The following TRIOBP variants were observed in gnomAD, a reference collection of about 807,000 sequenced individuals.
TRIOBP encodes TRIO and F-actin-binding protein.
TRIOBP carries 169 observed loss-of-function variants against 238.8 expected under a neutral mutation model. That is an observed-to-expected ratio of 0.71 (90% CI 0.62 to 0.80). TRIOBP has a LOEUF of 0.80. Ranked by LOEUF, TRIOBP falls within the 30% of genes least tolerant of loss-of-function variation. TRIOBP has a pLI of 0.00. For missense variants in TRIOBP, 2,838 were observed against 3,122.6 expected (o/e 0.91, Z 2.17); for synonymous variants, 1,150 against 1,274.4 (o/e 0.90, Z 2.08).
At chr22:37,717,439 C>T (rs1040438616) in intron 6 of TRIOBP, among the ~76,000 whole-genome samples, 9 of 152,214 alleles carry the variant, frequency 5.9e-5, no homozygotes, top group African/African-American at 1.9e-4. Flanking sequence ...CCACATCCTG[C>T]TGATTGGTCC....
chr22:37,775,249 G>T lies in TRIOBP; in HGVS notation c.*1469G>T, dbSNP rs556444376. On this transcript the variant is annotated 3_prime_UTR_variant, in exon 24 of 24. Transcript: ENST00000644935. ...TGAAAGATGACTCTTCCAGATGGAAGAATCAGGAAGGGCCTTCCCACGTGG... is the reference window on the plus strand; with the variant it reads ...TGAAAGATGACTCTTCCAGATGGAATAATCAGGAAGGGCCTTCCCACGTGG... 6.6e-6 allele frequency: 1 copy of T among 152,342 alleles called. No individual in the cohort carries two copies. The highest frequency in any genetic ancestry group is 1.9e-4 in the East Asian group (1 of 5,164). The allele number at this position is 152,342 out of a possible 1,614,324, so 9.4% of individuals were successfully genotyped here.
At chr22:37,758,736 C>G (rs1267917238) in intron 16 of TRIOBP, among the ~76,000 whole-genome samples, 1 of 152,018 alleles carries the variant, frequency 6.6e-6, no homozygotes, top group Non-Finnish European at 1.5e-5. Flanking sequence ...TCATCTTCTG[C>G]CCGTGGCCTC....
In TRIOBP at chr22:37,725,820, C is replaced by G. The variant is rs1415426077; in HGVS notation, c.3264C>G (p.Leu1088=). 4 of 1,610,774 alleles carry G rather than the reference C, an allele frequency of 2.5e-6. No individual in the cohort carries two copies. The African/African-American group carries it at 5.4e-5, about 22-fold the overall frequency. Residue 1088 remains leucine, a synonymous_variant, in exon 7 of 24, where the codon CTC becomes CTG. Transcript: ENST00000644935. The stretch of plus-strand genomic sequence containing the variant: ...CCCAATTTGACCCCTTCCCCTTCCT[C>G]CCAGACACATCAGATGCCGAGCATC... ...RHTQFDPFPF[L]PDTSDAEHQC...
chr22:37,732,179 C>G (rs1461543282), intron 7 of TRIOBP, among the ~76,000 whole-genome samples: 1 of 152,158 alleles, frequency 6.6e-6, no homozygotes, highest in Admixed American at 6.5e-5. Context: ...GAGATATGCC[C>G]AGGTTCTGTT....
chr22:37,756,714 A>T (rs146159933), intron 15 of TRIOBP, among the ~76,000 whole-genome samples: 1 of 152,332 alleles, frequency 6.6e-6, no homozygotes, highest in African/African-American at 2.4e-5. Flanking sequence ...TCGGCAGCCT[A>T]TAGTCACATG....
rs1342137731 is a variant in TRIOBP, at chr22:37,697,689, C to T, written c.-68C>T. ...GCCACAAAAGCCTGATCCCCTGGAACACAGCAGGTGAGGATGGATGTGGGC... is the reference window on the plus strand; with the variant it reads ...GCCACAAAAGCCTGATCCCCTGGAATACAGCAGGTGAGGATGGATGTGGGC... On this transcript the variant is annotated 5_prime_UTR_variant, in exon 2 of 24. Transcript: ENST00000644935. 6.6e-6 allele frequency: 1 copy of T among 152,244 alleles called. No homozygotes were observed. The highest frequency in any genetic ancestry group is 6.5e-5 in the Admixed American group (1 of 15,278). The allele number at this position is 152,244 out of a possible 1,614,324, so 9.4% of individuals were successfully genotyped here. A position where few individuals can be genotyped will look rare whatever the true frequency, so the allele number is the denominator to read the frequency against.
chr22:37,771,441 C>T (rs1478714126), intron 21 of TRIOBP, among the ~76,000 whole-genome samples: 1 of 152,072 alleles, frequency 6.6e-6, no homozygotes, highest in Non-Finnish European at 1.5e-5. Context: ...CTCACACGGG[C>T]TGGACAGGGG....
intron 3 of TRIOBP, among the ~76,000 whole-genome samples, chr22:37,704,098 A>T (rs1240388462): frequency 6.6e-6 from 1 of 152,186 alleles, no homozygotes; most frequent in Non-Finnish European, 1.5e-5. Context: ...ATGATAAATC[A>T]GAAAGGCACA....
At position 37,735,039 on chromosome 22, in the gene TRIOBP, C is replaced by T; in HGVS notation, c.4703C>T (p.Ala1568Val). ...AGGGATCTGCTTGGCCTTCTCCGGG[C>T]ACCAGGAGAGGGGGTCTGGGCCCGT... is the stretch of plus-strand genomic sequence containing the variant. ...DWRDLLGLLR[A>V]PGEGVWARVP... is the part of the protein sequence containing the mutation. The change falls in exon 9 of 24, where the codon GCA becomes GTA. Residue 1568 changes from alanine to valine, a missense_variant. Around this residue, in one of 5 missense-constraint regions of TRIOBP, gnomAD observed 2,096 missense variants for 2,137.4 expected, o/e 0.98. Transcript: ENST00000644935. 1 of 1,608,426 alleles carries T rather than the reference C, an allele frequency of 6.2e-7. No homozygotes were observed. The highest frequency in any genetic ancestry group is 8.5e-7 in the Non-Finnish European group (1 of 1,176,208).
chr22:37,748,869 G>A (rs6000875), intron 11 of TRIOBP, among the ~76,000 whole-genome samples: 147,492 of 152,218 alleles, frequency 0.97, 71,493 homozygotes, highest in East Asian at 1. Flanking sequence ...CCTAGTCATC[G>A]GAGGAGGAGG....
intron 23 of TRIOBP, among the ~76,000 whole-genome samples, chr22:37,773,186 T>C (rs1267458516): frequency 1.7e-5 from 2 of 116,552 alleles, no homozygotes; most frequent in Non-Finnish European, 4.2e-5. Flanking sequence ...AGTGGTTGGT[T>C]GGTTGGTTGG....
chr22:37,757,446 G>A (rs1040398715), intron 15 of TRIOBP, among the ~76,000 whole-genome samples, 167 bp from the exon 16 acceptor site: 2 of 152,142 alleles, frequency 1.3e-5, no homozygotes, highest in African/African-American at 4.8e-5. Context: ...GAGCTGGGAT[G>A]TTCCTGGGGT....
chr22:37,724,792 A>T lies in TRIOBP; in HGVS notation c.2236A>T (p.Thr746Ser). ...NRTIQRDNPRTSCAQRDNPRA... is the reference protein window; with the variant it reads ...NRTIQRDNPRSSCAQRDNPRA... ...AACCATCCAGCGAGACAACCCCAGA[A>T]CATCCTGTGCCCAGCGGGACAATCC... is the stretch of plus-strand genomic sequence containing the variant. The change falls in exon 7 of 24, where the codon ACA becomes TCA. Residue 746 changes from threonine (T) to serine (S), a missense_variant. Physicochemically the swap from Thr to Ser is moderately conservative, Grantham distance 58. Transcript: ENST00000644935. 1.2e-6 allele frequency: 2 copies of T among 1,612,370 alleles called. No individual in the cohort carries two copies. Among genetic ancestry groups the T allele is most frequent in the Non-Finnish European group, 1.7e-6 (2 of 1,179,090 alleles).
chr22:37,765,831 G>GC lies in TRIOBP; in HGVS notation c.6472+14_6472+15insC, dbSNP rs546389039. On this transcript the variant is annotated intron_variant, in intron 18 of 23. Transcript: ENST00000644935. ...CCACGGCCTCAGGTATGGACCCTGG[G>GC]GGGGGCACAGTGGGCTGGGCTCTGA... is the stretch of plus-strand genomic sequence containing the variant. 3,531 of 1,586,032 alleles carry GC rather than the reference G, an allele frequency of 2.2e-3. 6 individuals are homozygous for GC. Among genetic ancestry groups the GC allele is most frequent in the Non-Finnish European group, 2.4e-3 (2,862 of 1,170,402 alleles).
intron 6 of TRIOBP, among the ~76,000 whole-genome samples, chr22:37,720,002 T>G (rs1404755957): frequency 1.9e-3 from 12 of 6,162 alleles, no homozygotes; most frequent in South Asian, 0.056. Context: ...CCCCCGCCCT[T>G]TTTTTTTTTT....
At chr22:37,715,991 C>T in intron 6 of TRIOBP, 57 bp downstream of exon 6, 2 of 1,596,648 alleles carry the variant, frequency 1.3e-6, no homozygotes, top group Non-Finnish European at 1.7e-6. Context: ...CCCCAGATAG[C>T]CATCTCACTG....
intron 6 of TRIOBP, among the ~76,000 whole-genome samples, chr22:37,716,261 G>A (rs1018439552): frequency 5.3e-5 from 8 of 151,810 alleles, no homozygotes; most frequent in South Asian, 4.2e-4. Flanking sequence ...ACAGGCTCCC[G>A]CCACCATGCC....
At chr22:37,718,206 C>T (rs902021757) in intron 6 of TRIOBP, among the ~76,000 whole-genome samples, 8 of 152,238 alleles carry the variant, frequency 5.3e-5, no homozygotes, top group Non-Finnish European at 5.9e-5. Flanking sequence ...AGCCTCGGTT[C>T]CCGCTCGCGC....
intron 5 of TRIOBP, 129 bp from the exon 6 acceptor site, chr22:37,715,634 C>T (rs1316253229): frequency 1.1e-5 from 12 of 1,094,728 alleles, no homozygotes; most frequent in Admixed American, 4.0e-5. Context: ...TGAGCCACAG[C>T]GCCTGGCCAG....
Sources: allele counts gnomAD v4.1 joint callset (sites outside exome capture counted in the v4.1 genomes callset), GRCh38; gene constraint gnomAD v4.1.1; regional missense constraint gnomAD v4.1.1; transcripts MANE v1.5; gene names NCBI Gene and HGNC (gene_info 2026-07-23, HGNC 2026-07-21).